GUCY1A2: variants seen among roughly 807,000 people sequenced by gnomAD.
The protein encoded by GUCY1A2 is guanylate cyclase 1 soluble subunit alpha 2, also known as guanylate cyclase soluble subunit alpha-2.
Under a neutral mutation model 63.5 loss-of-function variants are expected in GUCY1A2, and 27 were observed. The ratio of observed to expected loss-of-function variants is 0.43; its 90% CI spans 0.31 to 0.59. The LOEUF (loss-of-function observed/expected upper bound fraction) is 0.59. Ranked by LOEUF, GUCY1A2 falls within the 20% of genes least tolerant of loss-of-function variation. The pLI, the probability that GUCY1A2 is intolerant of heterozygous loss-of-function variation, is 0.11. For missense variants in GUCY1A2, 768 were observed against 913.3 expected (o/e 0.84, Z 2.05); for synonymous variants, 364 against 343.5 (o/e 1.06, Z -0.66).
chr11:106,984,900 AATAAT>A (rs1861382170), intron 2 of GUCY1A2, among the ~76,000 whole-genome samples: 2 of 152,160 alleles, frequency 1.3e-5, no homozygotes, highest in Non-Finnish European at 1.5e-5. Context: ...CATGAGTTTA[AATAAT>A]ATGTTTTTCC....
At position 106,973,282 on chromosome 11, in the gene GUCY1A2, A is replaced by G. The variant is rs961271535; in HGVS notation, c.487+5337T>C. Among the ~76,000 whole-genome samples, 3 of 152,160 alleles carry G rather than the reference A, an allele frequency of 2.0e-5. No individual in the cohort carries two copies. In the East Asian group the frequency reaches 5.8e-4, roughly 29 times the overall value. ...AACACATGAGGCCAGCTACGTAGCAAGATCAGCTTGAAATATGAGCAAAAA... is the reference window on the plus strand; with the variant it reads ...AACACATGAGGCCAGCTACGTAGCAGGATCAGCTTGAAATATGAGCAAAAA... On this transcript the variant is annotated intron_variant, in intron 3 of 7. Coordinates refer to ENST00000526355, the MANE Select transcript of GUCY1A2 (RefSeq NM_000855.3).
rs1862514187 is a variant in GUCY1A2, at chr11:106,685,693, T to G, written c.*1856A>C. On this transcript the variant is annotated 3_prime_UTR_variant, in exon 8 of 8. Transcript: ENST00000526355. ...TTGAGGTGCTCCCAGTCTGCTCTGCTCATACTGGCTGTAAACCTCCCCATT... is the reference window on the plus strand; with the variant it reads ...TTGAGGTGCTCCCAGTCTGCTCTGCGCATACTGGCTGTAAACCTCCCCATT... 4.4e-6 allele frequency: 1 copy of G among 227,700 alleles called. No individual in the cohort carries two copies. The highest frequency in any genetic ancestry group is 2.2e-5 in the African/African-American group (1 of 45,012). The allele number at this position is 227,700 out of a possible 1,614,324, so 14.1% of individuals were successfully genotyped here. A position where few individuals can be genotyped will look rare whatever the true frequency, so the allele number is the denominator to read the frequency against.
chr11:106,847,284 GT>G (rs1339985965), intron 4 of GUCY1A2, among the ~76,000 whole-genome samples: 10 of 139,032 alleles, frequency 7.2e-5, no homozygotes, highest in Non-Finnish European at 1.6e-4. Flanking sequence ...TATAAGGATT[GT>G]TTCTGCTTAT....
chr11:106,919,145 C>A (rs1361719112), intron 4 of GUCY1A2, among the ~76,000 whole-genome samples: 1 of 152,072 alleles, frequency 6.6e-6, no homozygotes, highest in Non-Finnish European at 1.5e-5. Flanking sequence ...AAAAAACAAG[C>A]GTGATTATAT....
intron 3 of GUCY1A2, among the ~76,000 whole-genome samples, chr11:106,964,823 C>T (rs1263605221): frequency 3.3e-5 from 5 of 151,914 alleles, no homozygotes; most frequent in Non-Finnish European, 7.4e-5. Flanking sequence ...ACTAAAAATA[C>T]GAAAAAATTA....
At chr11:106,974,489 A>G (rs1861237094) in intron 3 of GUCY1A2, among the ~76,000 whole-genome samples, 1 of 152,106 alleles carries the variant, frequency 6.6e-6, no homozygotes, top group African/African-American at 2.4e-5. Context: ...AGTATATACA[A>G]GTTGACATAT....
intron 3 of GUCY1A2, among the ~76,000 whole-genome samples, chr11:106,954,172 A>C (rs1860950310): frequency 6.6e-6 from 1 of 152,116 alleles, no homozygotes; most frequent in Non-Finnish European, 1.5e-5. Flanking sequence ...TTTCCATCTT[A>C]ACACTGTTTT....
chr11:106,788,204 C>A (rs115875194), intron 5 of GUCY1A2, among the ~76,000 whole-genome samples: 3,488 of 151,854 alleles, frequency 0.023, 129 homozygotes, highest in African/African-American at 0.079. Context: ...TCTACTCAGA[C>A]CTTTTGTCCA....
intron 4 of GUCY1A2, among the ~76,000 whole-genome samples, chr11:106,850,489 C>T (rs573085663): frequency 1.7e-4 from 26 of 151,828 alleles, no homozygotes; most frequent in African/African-American, 5.8e-4. Flanking sequence ...TAACTAACCT[C>T]GTCCCATCTT....
chr11:106,695,477 G>A (rs1476485847), intron 7 of GUCY1A2, among the ~76,000 whole-genome samples: 1 of 152,032 alleles, frequency 6.6e-6, no homozygotes, highest in Non-Finnish European at 1.5e-5. Context: ...GAAGGACGAC[G>A]GTTCTGAAAG....
At chr11:107,008,089 G>GC (rs112949168) in intron 1 of GUCY1A2, among the ~76,000 whole-genome samples, 9,639 of 149,408 alleles carry the variant, frequency 0.065, 1,048 homozygotes, top group African/African-American at 0.21. Flanking sequence ...TCGACACCAG[G>GC]CCCAGCCAAT....
intron 6 of GUCY1A2, among the ~76,000 whole-genome samples, chr11:106,770,533 A>C (rs1864237961): frequency 6.6e-6 from 1 of 152,122 alleles, no homozygotes; most frequent in Non-Finnish European, 1.5e-5. Flanking sequence ...AAATCCCTCC[A>C]AATATTAAAA....
intron 6 of GUCY1A2, among the ~76,000 whole-genome samples, chr11:106,749,237 T>A (rs189131699): frequency 1.3e-5 from 2 of 152,210 alleles, no homozygotes; most frequent in East Asian, 3.9e-4. Context: ...TGCATAATGA[T>A]GAAATCATTT....
chr11:106,701,644 C>T (rs753414708), intron 7 of GUCY1A2, among the ~76,000 whole-genome samples: 5 of 151,900 alleles, frequency 3.3e-5, no homozygotes, highest in Non-Finnish European at 7.4e-5. Flanking sequence ...GGGGAGGAGA[C>T]AATGTAGAGA....
chr11:106,823,046 T>C (rs1591290958), intron 4 of GUCY1A2, among the ~76,000 whole-genome samples: 1 of 152,186 alleles, frequency 6.6e-6, no homozygotes, highest in East Asian at 1.9e-4. Context: ...GAGAAGAAAA[T>C]GATATTTGTT....
intron 4 of GUCY1A2, among the ~76,000 whole-genome samples, chr11:106,883,265 T>C (rs566736574): frequency 6.6e-6 from 1 of 152,280 alleles, no homozygotes; most frequent in East Asian, 1.9e-4. Flanking sequence ...TTTTCATCTA[T>C]GCTTTGATGC....
intron 6 of GUCY1A2, among the ~76,000 whole-genome samples, chr11:106,731,784 C>A (rs972489115): frequency 2.0e-5 from 3 of 152,030 alleles, no homozygotes; most frequent in Non-Finnish European, 4.4e-5. Flanking sequence ...GTCCCATTCA[C>A]AATAGCCACC....
rs1860733737 is a variant in GUCY1A2, at chr11:106,940,128, T to C, written c.538A>G (p.Ile180Val). The stretch of plus-strand genomic sequence containing the variant: ...ACTCTCTCATTCTCATGAAAGCATA[T>C]ATTAAAGAACTCTTCACCAAATCTT... ...QKRFGEEFFN[I>V]CFHENERVLR... The change falls in exon 4 of 8, where the codon ATA (isoleucine) becomes GTA (valine). Residue 180 changes from isoleucine (I) to valine (V), a missense_variant. Transcript: ENST00000526355. 6.8e-6 allele frequency: 11 copies of C among 1,610,936 alleles called. No individual in the cohort carries two copies. The East Asian group carries it at 1.6e-4, about 23-fold the overall frequency.
intron 4 of GUCY1A2, among the ~76,000 whole-genome samples, chr11:106,840,012 C>CAT (rs532335705): frequency 6.6e-5 from 10 of 151,742 alleles, no homozygotes; most frequent in East Asian, 5.8e-4. Flanking sequence ...GTATTATATA[C>CAT]ATATATATAT....
Sources: gnomAD v4.1 joint callset for allele counts (sites outside exome capture counted in the v4.1 genomes callset) on GRCh38, gnomAD v4.1.1 for gene constraint, MANE v1.5 for transcripts, NCBI Gene and HGNC (gene_info 2026-07-23, HGNC 2026-07-21) for gene names.